GNG2: variants seen among roughly 807,000 people sequenced by gnomAD.
The protein encoded by GNG2 is G protein subunit gamma 2.
Under a neutral mutation model 5.5 loss-of-function variants are expected in GNG2, and 5 were observed. The observed-to-expected ratio is 0.91, with a 90% CI of 0.48 to 1.92. The LOEUF is 1.92. Ranked by LOEUF, GNG2 falls within the 30% of genes most tolerant of loss-of-function variation. GNG2 has a pLI of 0.01. For missense variants in GNG2, 55 were observed against 88.4 expected, an observed-to-expected ratio of 0.62 and a Z score of 1.52; for synonymous variants, 28 against 32.0, an observed-to-expected ratio of 0.88 and a Z score of 0.42.
chr14:51,828,868 G>T (rs1310600055), intron 2 of GNG2, among the ~76,000 whole-genome samples: 1 of 152,142 alleles, frequency 6.6e-6, no homozygotes. Context: ...CAGAGGCTTA[G>T]CCCCACTACC....
chr14:51,937,974 G>A (rs1259241536), intron 2 of GNG2, among the ~76,000 whole-genome samples: 18 of 152,162 alleles, frequency 1.2e-4, no homozygotes, highest in Non-Finnish European at 1.9e-4. Context: ...AACGAACAAC[G>A]AAAAGTGTCT....
chr14:51,842,819 C>T (rs1881519457), intron 2 of GNG2, among the ~76,000 whole-genome samples: 1 of 152,092 alleles, frequency 6.6e-6, no homozygotes, highest in Non-Finnish European at 1.5e-5. Context: ...CACACACCAC[C>T]ACACCCAGCT....
intron 3 of GNG2, among the ~76,000 whole-genome samples, chr14:51,951,232 T>C (rs1158039712): frequency 6.6e-6 from 1 of 152,204 alleles, no homozygotes; most frequent in Non-Finnish European, 1.5e-5. Flanking sequence ...ATTTTTTTCC[T>C]GCAAACACAA....
intron 1 of GNG2, among the ~76,000 whole-genome samples, chr14:51,871,541 C>T (rs968727520): frequency 6.6e-6 from 1 of 152,152 alleles, no homozygotes; most frequent in Non-Finnish European, 1.5e-5. Flanking sequence ...ATAATATCTA[C>T]TTCACAAAAC....
chr14:51,955,786 G>A (rs1889244205), intron 3 of GNG2, among the ~76,000 whole-genome samples: 1 of 152,176 alleles, frequency 6.6e-6, no homozygotes, highest in Non-Finnish European at 1.5e-5. Context: ...CATTTATAGT[G>A]TGCCTTCTGT....
At chr14:51,874,341 C>T (rs182019798) in intron 1 of GNG2, among the ~76,000 whole-genome samples, 20 of 148,848 alleles carry the variant, frequency 1.3e-4, no homozygotes, top group East Asian at 6.0e-4. Context: ...AGGAGAATGG[C>T]GTGAACCCGT....
intron 2 of GNG2, among the ~76,000 whole-genome samples, chr14:51,908,546 CTATCTA>C (rs1284709484): frequency 6.6e-6 from 1 of 151,594 alleles, no homozygotes; most frequent in Non-Finnish European, 1.5e-5. Flanking sequence ...ATCTATCTAT[CTATCTA>C]TCTATCTATC....
intron 2 of GNG2, among the ~76,000 whole-genome samples, chr14:51,949,824 G>A (rs988898498): frequency 6.6e-6 from 1 of 152,172 alleles, no homozygotes; most frequent in African/African-American, 2.4e-5. Context: ...AAGTGAGATG[G>A]TATGTCAAGA....
At chr14:51,830,966 C>A (rs987843608) in intron 2 of GNG2, among the ~76,000 whole-genome samples, 1 of 152,198 alleles carries the variant, frequency 6.6e-6, no homozygotes, top group African/African-American at 2.4e-5. Flanking sequence ...TATTTGTCTC[C>A]AACCTTCTGT....
chr14:51,852,813 A>G (rs529364731), intron 2 of GNG2, among the ~76,000 whole-genome samples: 2 of 152,286 alleles, frequency 1.3e-5, no homozygotes, highest in Non-Finnish European at 2.9e-5. Flanking sequence ...ATCACTGCAA[A>G]TGTACCTTCA....
intron 3 of GNG2, among the ~76,000 whole-genome samples, chr14:51,951,340 T>G (rs1424131687): frequency 6.6e-6 from 1 of 152,234 alleles, no homozygotes; most frequent in Non-Finnish European, 1.5e-5. Context: ...TCCCCAGACC[T>G]AACCTGACAG....
chr14:51,880,967 GAAAAAA>G lies in GNG2; in HGVS notation c.-30+3326_-30+3331del, dbSNP rs11463019. 3.8e-4 allele frequency among the ~76,000 whole-genome samples: 39 copies of G among 101,992 alleles called. No homozygotes were observed. In the East Asian group the frequency reaches 5.3e-3, roughly 14 times the overall value. 66.9% of individuals were successfully genotyped at this position (101,992 alleles called of 152,430 possible). A position where few individuals can be genotyped will look rare whatever the true frequency, so the allele number is the denominator to read the frequency against. On this transcript the variant is annotated intron_variant, in intron 2 of 3. Transcript: ENST00000556766. ...ACCAGCTTAAAAAGACAAAAAAAAA[GAAAAAA>G]AAAAAAAAAAAAAAACCCTGAGATT... is the stretch of plus-strand genomic sequence containing the variant.
intron 2 of GNG2, among the ~76,000 whole-genome samples, chr14:51,882,618 T>G (rs1219376569): frequency 6.6e-6 from 1 of 152,212 alleles, no homozygotes; most frequent in East Asian, 1.9e-4. Flanking sequence ...CTGGTCACAG[T>G]AAAAATTTGT....
intron 2 of GNG2, among the ~76,000 whole-genome samples, chr14:51,855,380 C>G (rs1334625481): frequency 6.6e-6 from 1 of 152,216 alleles, no homozygotes; most frequent in Non-Finnish European, 1.5e-5. Flanking sequence ...CCCCCTGACT[C>G]TCTTCGAGCC....
chr14:51,920,331 G>T (rs1886940520), intron 2 of GNG2, among the ~76,000 whole-genome samples: 1 of 151,208 alleles, frequency 6.6e-6, no homozygotes, highest in Non-Finnish European at 1.5e-5. Context: ...ATCATCTCTA[G>T]ATTATTTATA....
chr14:51,882,824 A>G (rs539030085), intron 2 of GNG2, among the ~76,000 whole-genome samples: 1 of 152,000 alleles, frequency 6.6e-6, no homozygotes, highest in East Asian at 1.9e-4. Context: ...CCTGGCTAAC[A>G]CGGTGAAACC....
chr14:51,925,721 C>G (rs1174837392), intron 2 of GNG2, among the ~76,000 whole-genome samples: 1 of 152,168 alleles, frequency 6.6e-6, no homozygotes, highest in Admixed American at 6.5e-5. Context: ...AAGTGACTCT[C>G]TTGCCTCAGC....
chr14:51,846,126 G>C (rs1881618080), intron 2 of GNG2, among the ~76,000 whole-genome samples: 1 of 152,166 alleles, frequency 6.6e-6, no homozygotes. Flanking sequence ...TAAACCATTT[G>C]TCAAAAGGCA....
chr14:51,858,777 C>T (rs1168348203), upstream of GNG2, among the ~76,000 whole-genome samples: 1 of 152,088 alleles, frequency 6.6e-6, no homozygotes, highest in Admixed American at 6.5e-5. Flanking sequence ...GGATTCATGC[C>T]CAATCCCTCT....
Sources: allele counts gnomAD v4.1 joint callset (sites outside exome capture counted in the v4.1 genomes callset), GRCh38; gene constraint gnomAD v4.1.1; transcripts MANE v1.5; gene names NCBI Gene and HGNC (gene_info 2026-07-23, HGNC 2026-07-21).